VPS8: variants seen among roughly 807,000 people sequenced by gnomAD.
VPS8 encodes VPS8 subunit of CORVET complex.
Under a neutral mutation model 216.4 loss-of-function variants are expected in VPS8, and 129 were observed. The observed-to-expected ratio is 0.60, with a 90% CI of 0.52 to 0.69. The LOEUF (loss-of-function observed/expected upper bound fraction) is 0.69. VPS8 is among the 30% of genes least tolerant of loss of function. The pLI is 0.00. For missense variants in VPS8, 1,531 were observed against 1,683.5 expected (o/e 0.91, Z 1.59); for synonymous variants, 571 against 565.4 (o/e 1.01, Z -0.14).
chr3:184,963,615 G>GT (rs1407971021), intron 37 of VPS8, among the ~76,000 whole-genome samples: 2 of 152,012 alleles, frequency 1.3e-5, no homozygotes, highest in Non-Finnish European at 2.9e-5. Context: ...CAATCTTGTA[G>GT]TTTTTTCTTT....
At chr3:184,938,829 A>G (rs915465717) in intron 35 of VPS8, among the ~76,000 whole-genome samples, 5 of 151,602 alleles carry the variant, frequency 3.3e-5, no homozygotes, top group African/African-American at 1.2e-4. Flanking sequence ...GGAGCTCAAG[A>G]CCAGCCTGGG....
chr3:184,834,863 G>A (rs1720730666), intron 5 of VPS8, 121 bp downstream of exon 5: 12 of 717,188 alleles, frequency 1.7e-5, no homozygotes, highest in South Asian at 4.6e-5. Flanking sequence ...ATAGAATCTG[G>A]CTTTCATGGT....
intron 40 of VPS8, among the ~76,000 whole-genome samples, chr3:184,973,450 G>A (rs12696538): frequency 6.6e-6 from 1 of 151,938 alleles, no homozygotes; most frequent in African/African-American, 2.4e-5. Context: ...ATACATATTC[G>A]TGGGGTTAAT....
At chr3:184,956,446 C>G (rs1214650273) in intron 36 of VPS8, among the ~76,000 whole-genome samples, 1 of 152,220 alleles carries the variant, frequency 6.6e-6, no homozygotes, top group Non-Finnish European at 1.5e-5. Context: ...GTGCTTTAAC[C>G]TTTCTTCAGA....
intron 2 of VPS8, 120 bp downstream of exon 2, chr3:184,824,905 A>AT (rs71298576): frequency 0.19 from 129,749 of 678,128 alleles, 4,402 homozygotes; most frequent in East Asian, 0.39. Flanking sequence ...TCTGTGTATA[A>AT]TTTTTTTTTT....
intron 46 of VPS8, among the ~76,000 whole-genome samples, chr3:185,030,589 G>T (rs182179879): frequency 7.2e-5 from 11 of 152,288 alleles, no homozygotes; most frequent in African/African-American, 2.6e-4. Context: ...TATTCCGCAA[G>T]CCTGTTAGGT....
chr3:185,037,821 CT>C (rs1759117600), intron 46 of VPS8, among the ~76,000 whole-genome samples: 1 of 152,136 alleles, frequency 6.6e-6, no homozygotes, highest in African/African-American at 2.4e-5. Context: ...ATTTGTATCT[CT>C]TTATTGATAC....
intron 42 of VPS8, among the ~76,000 whole-genome samples, chr3:184,991,616 T>C (rs570539722): frequency 6.6e-6 from 1 of 152,318 alleles, no homozygotes; most frequent in South Asian, 2.1e-4. Context: ...AGCTCTGTTG[T>C]CTTATTGGAT....
At chr3:185,020,265 C>G (rs907278191) in intron 45 of VPS8, among the ~76,000 whole-genome samples, 1 of 152,122 alleles carries the variant, frequency 6.6e-6, no homozygotes, top group Non-Finnish European at 1.5e-5. Context: ...CATGAAAAAT[C>G]ATATCATAGA....
chr3:184,943,519 T>C (rs774285550), intron 36 of VPS8, among the ~76,000 whole-genome samples: 16 of 152,320 alleles, frequency 1.1e-4, no homozygotes, highest in Middle Eastern at 3.4e-3. Flanking sequence ...ACATCAAGAA[T>C]AGGTAGACTG....
intron 46 of VPS8, among the ~76,000 whole-genome samples, chr3:185,041,740 C>G (rs1052342039): frequency 6.6e-6 from 1 of 152,220 alleles, no homozygotes; most frequent in Non-Finnish European, 1.5e-5. Context: ...GGAATTTGAA[C>G]AGAGCTTCGC....
intron 46 of VPS8, among the ~76,000 whole-genome samples, chr3:185,037,850 A>G (rs1302502639): frequency 6.6e-6 from 1 of 152,078 alleles, no homozygotes; most frequent in Non-Finnish European, 1.5e-5. Context: ...ATTTGATGTT[A>G]TATTGTCATC....
intron 21 of VPS8, among the ~76,000 whole-genome samples, chr3:184,876,783 C>CTT (rs1467034756): frequency 3.9e-5 from 6 of 152,200 alleles, no homozygotes; most frequent in Non-Finnish European, 2.9e-5. Flanking sequence ...CTATCCTAGT[C>CTT]TAAGTGCCCA....
At chr3:184,849,869 A>G in intron 9 of VPS8, 67 bp from the exon 10 acceptor site, 1 of 1,161,786 alleles carries the variant, frequency 8.6e-7, no homozygotes, top group Non-Finnish European at 1.3e-6. Flanking sequence ...TCCAGCCAGA[A>G]GGCAGGATAC....
chr3:184,853,917 AGTCTGCTGTATTGAG>A lies in VPS8; in HGVS notation c.883_897del (p.Val295_Glu299del). Reference sequence around the variant, plus strand: ...GTCTGTTCAGTGGTTCCAAGGGTGAAGTCTGCTGTATTGAGCCTCTGCATTCTAAGCCTGAGTTGA... The same window carrying A: ...GTCTGTTCAGTGGTTCCAAGGGTGAACCTCTGCATTCTAAGCCTGAGTTGA... On this transcript the variant is annotated inframe_deletion, in exon 12 of 48. Transcript: ENST00000625842. 1.9e-6 allele frequency: 3 copies of A among 1,610,362 alleles called. No individual in the cohort carries two copies. The highest frequency in any genetic ancestry group is 2.5e-6 in the Non-Finnish European group (3 of 1,178,182).
At chr3:184,846,269 A>G (rs1723107673) in intron 8 of VPS8, among the ~76,000 whole-genome samples, 1 of 152,254 alleles carries the variant, frequency 6.6e-6, no homozygotes, top group Non-Finnish European at 1.5e-5. Context: ...TGTGGGCTGT[A>G]AATTTAATCC....
chr3:185,034,086 A>G (rs546072236), intron 46 of VPS8, among the ~76,000 whole-genome samples: 2 of 152,182 alleles, frequency 1.3e-5, no homozygotes, highest in East Asian at 3.9e-4. Context: ...TTGTTCCCGT[A>G]TTTATCTCCA....
At chr3:184,833,125 G>A (rs1033796496) in intron 4 of VPS8, among the ~76,000 whole-genome samples, 3 of 152,104 alleles carry the variant, frequency 2.0e-5, no homozygotes, top group African/African-American at 7.2e-5. Flanking sequence ...ATGCAGCTTG[G>A]TTCACTGCCC....
intron 45 of VPS8, among the ~76,000 whole-genome samples, chr3:185,008,173 C>G (rs1754515779): frequency 6.6e-6 from 1 of 152,086 alleles, no homozygotes. Flanking sequence ...TAATATGTCT[C>G]AGAAGTACAT....
Sources: allele counts gnomAD v4.1 joint callset (sites outside exome capture counted in the v4.1 genomes callset), GRCh38; gene constraint gnomAD v4.1.1; transcripts MANE v1.5; gene names NCBI Gene and HGNC (gene_info 2026-07-23, HGNC 2026-07-21).